CALN1: variants seen among roughly 807,000 people sequenced by gnomAD.
CALN1 encodes calcium-binding protein 8.
In CALN1, 17 loss-of-function variants were observed where a neutral mutation model predicts 30.6. That is an observed-to-expected ratio of 0.56 (90% CI 0.38 to 0.83). The LOEUF is 0.83. Ranked by LOEUF, CALN1 falls within the 40% of genes least tolerant of loss-of-function variation. CALN1 has a pLI of 0.00. For missense variants in CALN1, 291 were observed against 354.9 expected, an observed-to-expected ratio of 0.82 and a Z score of 1.45; for synonymous variants, 156 against 131.4, an observed-to-expected ratio of 1.19 and a Z score of -1.28.
intron 5 of CALN1, among the ~76,000 whole-genome samples, chr7:71,949,044 T>TAAAAA (rs34370568): frequency 1.6e-4 from 11 of 66,928 alleles, no homozygotes; most frequent in African/African-American, 6.7e-4. Context: ...CTCTGTCTCT[T>TAAAAA]AAAAAAAAAA....
intron 5 of CALN1, among the ~76,000 whole-genome samples, chr7:71,851,208 AACACACACACAC>A (rs56041427): frequency 0.016 from 2,063 of 132,166 alleles, 33 homozygotes; most frequent in African/African-American, 0.051. Flanking sequence ...CCTTGTCTCA[AACACACACACAC>A]ACACACACAC....
chr7:72,025,568 G>C (rs1045991599), intron 4 of CALN1, among the ~76,000 whole-genome samples: 2 of 152,170 alleles, frequency 1.3e-5, no homozygotes, highest in African/African-American at 4.8e-5. Context: ...ACAGTAATCA[G>C]AAGGTGGACT....
At chr7:71,829,890 T>C (rs537444658) in intron 5 of CALN1, among the ~76,000 whole-genome samples, 6 of 152,344 alleles carry the variant, frequency 3.9e-5, no homozygotes, top group African/African-American at 1.4e-4. Flanking sequence ...GCCAGTGTTC[T>C]CAAGTGGTTC....
At chr7:72,023,624 A>C (rs982967420) in intron 5 of CALN1, 33 bp downstream of exon 5, 2 of 1,543,664 alleles carry the variant, frequency 1.3e-6, no homozygotes, top group African/African-American at 2.7e-5. Context: ...ATTTACTGTC[A>C]AACTTAGTCT....
At chr7:71,984,220 G>C (rs1247324907) in intron 5 of CALN1, among the ~76,000 whole-genome samples, 1 of 152,084 alleles carries the variant, frequency 6.6e-6, no homozygotes, top group East Asian at 1.9e-4. Flanking sequence ...AGAGTGAGGG[G>C]GGAACAGGCA....
At chr7:71,863,368 G>C (rs1283234106) in intron 5 of CALN1, among the ~76,000 whole-genome samples, 1 of 151,900 alleles carries the variant, frequency 6.6e-6, no homozygotes, top group African/African-American at 2.4e-5. Context: ...GACCAGCCTG[G>C]CCAACATGGT....
chr7:72,416,734 C>CAAA (rs4029798), upstream of CALN1, among the ~76,000 whole-genome samples: 5 of 77,688 alleles, frequency 6.4e-5, no homozygotes, highest in African/African-American at 1.0e-4. Context: ...GACTCTGTCT[C>CAAA]AAAAAAAAAA....
chr7:71,934,578 G>C (rs1170819917), intron 5 of CALN1, among the ~76,000 whole-genome samples: 1 of 152,150 alleles, frequency 6.6e-6, no homozygotes, highest in Non-Finnish European at 1.5e-5. Context: ...TAAGCAACCA[G>C]CTCTTGAATG....
At chr7:71,805,565 C>T (rs1452908477) in intron 6 of CALN1, among the ~76,000 whole-genome samples, 1 of 151,994 alleles carries the variant, frequency 6.6e-6, no homozygotes, top group Non-Finnish European at 1.5e-5. Flanking sequence ...TGTTCTGCCC[C>T]GATACACCTT....
the CALN1 span, among the ~76,000 whole-genome samples, chr7:72,462,338 C>T: frequency 6.6e-6 from 1 of 152,094 alleles, no homozygotes; most frequent in South Asian, 2.1e-4. Flanking sequence ...GGTGTGCACA[C>T]CATGCCCAGC....
At chr7:72,022,536 G>T (rs915006065) in intron 5 of CALN1, among the ~76,000 whole-genome samples, 2 of 152,168 alleles carry the variant, frequency 1.3e-5, no homozygotes, top group Non-Finnish European at 2.9e-5. Flanking sequence ...GGGACTACAG[G>T]CATGCGCCAT....
At chr7:72,144,640 A>T (rs988463675) in intron 3 of CALN1, among the ~76,000 whole-genome samples, 70 of 152,180 alleles carry the variant, frequency 4.6e-4, no homozygotes, top group Admixed American at 4.6e-3. Context: ...ATATCTACAG[A>T]ACTCTCCACC....
chr7:72,462,896 A>G, the CALN1 span, among the ~76,000 whole-genome samples: 1 of 152,110 alleles, frequency 6.6e-6, no homozygotes, highest in African/African-American at 2.4e-5. Context: ...CCCTCTCTCA[A>G]CTGCCCAGAT....
intron 5 of CALN1, among the ~76,000 whole-genome samples, chr7:71,835,826 A>G (rs1789566568): frequency 6.6e-6 from 1 of 152,180 alleles, no homozygotes; most frequent in Non-Finnish European, 1.5e-5. Flanking sequence ...GGGTAGACCA[A>G]GGACCTTTCC....
At chr7:72,195,377 A>G (rs1268268264) in intron 3 of CALN1, among the ~76,000 whole-genome samples, 1 of 152,064 alleles carries the variant, frequency 6.6e-6, no homozygotes, top group Non-Finnish European at 1.5e-5. Context: ...TGTCAATTAC[A>G]ATCTCTCTCT....
At chr7:71,937,066 T>C (rs1445546751) in intron 5 of CALN1, among the ~76,000 whole-genome samples, 1 of 152,162 alleles carries the variant, frequency 6.6e-6, no homozygotes, top group East Asian at 1.9e-4. Context: ...AGCATGAAAA[T>C]GGACTAATAC....
chr7:72,172,776 T>C (rs1322304691), intron 3 of CALN1, among the ~76,000 whole-genome samples: 1 of 152,170 alleles, frequency 6.6e-6, no homozygotes, highest in Non-Finnish European at 1.5e-5. Context: ...AAATTAGAAA[T>C]AGTGGGTAAT....
chr7:72,271,575 A>AAATATATATATATATATATAT, intron 3 of CALN1, among the ~76,000 whole-genome samples: 29 of 52,118 alleles, frequency 5.6e-4, no homozygotes, highest in South Asian at 1.2e-3. Context: ...AAAAAAAAAA[A>AAATATATATATATATATATAT]ATATATATAT....
intron 2 of CALN1, among the ~76,000 whole-genome samples, chr7:72,280,328 G>A (rs373572565): frequency 7.9e-5 from 12 of 152,152 alleles, no homozygotes; most frequent in African/African-American, 2.4e-4. Context: ...CCATCCCCTC[G>A]CCCTTAACTC....
Sources: gnomAD v4.1 joint callset for allele counts (sites outside exome capture counted in the v4.1 genomes callset) on GRCh38, gnomAD v4.1.1 for gene constraint, MANE v1.5 for transcripts, NCBI Gene and HGNC (gene_info 2026-07-23, HGNC 2026-07-21) for gene names.